KHDRBS3: variants seen among roughly 807,000 people sequenced by gnomAD.
KHDRBS3 encodes the protein KH RNA binding domain containing, signal transduction associated 3, also known as KH domain-containing, RNA-binding, signal transduction-associated protein 3.
A neutral mutation model predicts 45.6 loss-of-function variants in KHDRBS3; 23 were observed. That is an observed-to-expected ratio of 0.50 (90% CI 0.36 to 0.72). The LOEUF (loss-of-function observed/expected upper bound fraction) is 0.72, where lower values mean the gene tolerates loss of function less well. KHDRBS3 is among the 30% of genes least tolerant of loss of function. The pLI, the probability that KHDRBS3 is intolerant of heterozygous loss-of-function variation, is 0.00. For missense variants in KHDRBS3, 352 were observed against 424.8 expected (o/e 0.83, Z 1.51); for synonymous variants, 162 against 156.5 (o/e 1.04, Z -0.26).
At position 135,521,270 on chromosome 8, in the gene KHDRBS3, A is replaced by G; in HGVS notation, c.122A>G (p.Asp41Gly). ...IEKFQKGEGK[D>G]EEKYIDVVIN... is the part of the protein sequence containing the mutation. ...AAGTTTCAAAAAGGAGAAGGCAAGG[A>G]TGAAGAAAAGTACATCGATGTGGTG... Residue 41 changes from aspartate (D) to glycine (G), a missense_variant, in exon 2 of 9, where the codon GAT (aspartate) becomes GGT (glycine). By Grantham distance (94) the Asp-to-Gly change is moderately conservative. Around this residue, in one of 6 missense-constraint regions of KHDRBS3, gnomAD observed 58 missense variants for 64.5 expected, o/e 0.90. Transcript: ENST00000355849. The G allele has an allele frequency of 6.2e-7, 1 of 1,613,346 alleles. No homozygotes were observed. Among genetic ancestry groups the G allele is most frequent in the Non-Finnish European group, 8.5e-7 (1 of 1,179,320 alleles).
At chr8:135,485,091 TCTTA>T (rs567712447) in intron 1 of KHDRBS3, among the ~76,000 whole-genome samples, 56 of 152,260 alleles carry the variant, frequency 3.7e-4, no homozygotes, top group Middle Eastern at 3.4e-3. Context: ...CAATTATCCT[TCTTA>T]CTCAGTTCAG....
intron 6 of KHDRBS3, among the ~76,000 whole-genome samples, chr8:135,596,823 GA>G (rs969231881): frequency 1.3e-5 from 2 of 152,140 alleles, no homozygotes; most frequent in Non-Finnish European, 2.9e-5. Flanking sequence ...TAGTACGCTG[GA>G]AGTTAGATCA....
chr8:135,543,629 G>A (rs1172525402), intron 3 of KHDRBS3, among the ~76,000 whole-genome samples: 1 of 152,172 alleles, frequency 6.6e-6, no homozygotes, highest in Admixed American at 6.5e-5. Context: ...CAGGCGCTGT[G>A]TGAAACATGT....
chr8:135,523,350 C>T (rs1192645864), intron 2 of KHDRBS3, among the ~76,000 whole-genome samples: 3 of 152,078 alleles, frequency 2.0e-5, no homozygotes, highest in Non-Finnish European at 4.4e-5. Flanking sequence ...TTTTGTTAAA[C>T]TTATTCTTAA....
chr8:135,485,922 G>A (rs935924602), intron 1 of KHDRBS3, among the ~76,000 whole-genome samples: 1 of 149,126 alleles, frequency 6.7e-6, no homozygotes, highest in African/African-American at 2.5e-5. Context: ...CACCAGGCAA[G>A]AATCCTTTTA....
intron 1 of KHDRBS3, among the ~76,000 whole-genome samples, chr8:135,484,554 AC>A (rs1822748203): frequency 6.6e-6 from 1 of 152,150 alleles, no homozygotes; most frequent in South Asian, 2.1e-4. Flanking sequence ...CTAAAACTTC[AC>A]CTTTGGACAT....
intron 2 of KHDRBS3, among the ~76,000 whole-genome samples, chr8:135,521,666 G>C (rs1442150017): frequency 6.6e-6 from 1 of 152,092 alleles, no homozygotes; most frequent in African/African-American, 2.4e-5. Flanking sequence ...AATTACATGA[G>C]ATAATCTGTG....
chr8:135,490,229 C>A (rs1451186548), intron 1 of KHDRBS3, among the ~76,000 whole-genome samples: 3 of 152,190 alleles, frequency 2.0e-5, no homozygotes, highest in African/African-American at 7.2e-5. Context: ...TGAAGTGACA[C>A]CTGACTGTTT....
intron 1 of KHDRBS3, among the ~76,000 whole-genome samples, chr8:135,467,461 C>A (rs890933116): frequency 6.6e-6 from 1 of 152,242 alleles, no homozygotes; most frequent in Non-Finnish European, 1.5e-5. Flanking sequence ...AAGTCAAGAT[C>A]ACACATTTCG....
At chr8:135,559,459 T>A (rs1459778364) in intron 5 of KHDRBS3, among the ~76,000 whole-genome samples, 5 of 152,132 alleles carry the variant, frequency 3.3e-5, no homozygotes, top group Non-Finnish European at 7.4e-5. Flanking sequence ...TTCAAATAAT[T>A]CTCCTGCCTC....
intron 6 of KHDRBS3, among the ~76,000 whole-genome samples, chr8:135,587,383 A>C (rs1335189518): frequency 6.6e-6 from 1 of 152,186 alleles, no homozygotes; most frequent in Non-Finnish European, 1.5e-5. Context: ...CACCAAATCC[A>C]TCTCTCAGTA....
chr8:135,465,258 C>T (rs529797931), intron 1 of KHDRBS3, among the ~76,000 whole-genome samples: 1 of 152,168 alleles, frequency 6.6e-6, no homozygotes, highest in Admixed American at 6.5e-5. Flanking sequence ...GGACCTTATG[C>T]CTTCTTTGTA....
At chr8:135,482,772 C>T (rs1413786443) in intron 1 of KHDRBS3, among the ~76,000 whole-genome samples, 1 of 152,142 alleles carries the variant, frequency 6.6e-6, no homozygotes, top group Non-Finnish European at 1.5e-5. Flanking sequence ...TCTACCTCTG[C>T]AGCACTTTGC....
chr8:135,476,771 A>C (rs957016909), intron 1 of KHDRBS3, among the ~76,000 whole-genome samples: 6 of 152,208 alleles, frequency 3.9e-5, no homozygotes, highest in African/African-American at 1.2e-4. Flanking sequence ...GGCCTCAGAA[A>C]CTTTTCACAT....
chr8:135,626,201 AT>A (rs1209876870), intron 7 of KHDRBS3, among the ~76,000 whole-genome samples: 4 of 152,258 alleles, frequency 2.6e-5, no homozygotes, highest in Admixed American at 6.5e-5. Flanking sequence ...CCTATGAAAG[AT>A]TTTTTTTAAA....
intron 7 of KHDRBS3, among the ~76,000 whole-genome samples, chr8:135,638,158 G>T (rs1468130485): frequency 1.3e-5 from 2 of 152,162 alleles, no homozygotes; most frequent in Non-Finnish European, 2.9e-5. Context: ...GAAGCTCAGG[G>T]TGTTCTCATA....
At chr8:135,568,123 G>A (rs4364668) in intron 5 of KHDRBS3, among the ~76,000 whole-genome samples, 121,177 of 152,162 alleles carry the variant, frequency 0.8, 48,814 homozygotes, top group East Asian at 0.96. Flanking sequence ...CCCGTCTTCC[G>A]CTTCCCTCAC....
intron 1 of KHDRBS3, among the ~76,000 whole-genome samples, chr8:135,481,507 G>T (rs1292825566): frequency 6.6e-6 from 1 of 151,980 alleles, no homozygotes; most frequent in Non-Finnish European, 1.5e-5. Flanking sequence ...GGTATGCTTT[G>T]TGAAGGCAGG....
At chr8:135,485,620 A>G (rs1465349251) in intron 1 of KHDRBS3, among the ~76,000 whole-genome samples, 3 of 151,704 alleles carry the variant, frequency 2.0e-5, no homozygotes, top group Non-Finnish European at 4.4e-5. Context: ...ATGATAGTTT[A>G]TTTTTCTGTG....
Sources: gnomAD v4.1 joint callset for allele counts (sites outside exome capture counted in the v4.1 genomes callset) on GRCh38, gnomAD v4.1.1 for gene constraint, gnomAD v4.1.1 regional missense constraint, MANE v1.5 for transcripts, NCBI Gene and HGNC (gene_info 2026-07-23, HGNC 2026-07-21) for gene names.